ABAT: variants seen among roughly 807,000 people sequenced by gnomAD.
ABAT encodes 4-aminobutyrate aminotransferase, also known as 4-aminobutyrate aminotransferase, mitochondrial.
A neutral mutation model predicts 64.6 loss-of-function variants in ABAT; 45 were observed. That is an observed-to-expected ratio of 0.70 (90% CI 0.55 to 0.89). The LOEUF (loss-of-function observed/expected upper bound fraction) is 0.89, where lower values mean the gene tolerates loss of function less well. Ranked by LOEUF, ABAT falls within the 40% of genes least tolerant of loss-of-function variation. The pLI, the probability that ABAT is intolerant of heterozygous loss-of-function variation, is 0.00. For missense variants in ABAT, 633 were observed against 658.4 expected (o/e 0.96, Z 0.42); for synonymous variants, 297 against 250.5 (o/e 1.19, Z -1.75).
Position 8,733,361 on chromosome 16 carries a change from C to T in ABAT, c.-41-2338C>T, listed in dbSNP as rs552073641. Among the ~76,000 whole-genome samples the T allele has an allele frequency of 6.0e-4, 90 of 151,020 alleles. 9 individuals are homozygous for T. Among genetic ancestry groups the T allele is most frequent in the African/African-American group, 2.2e-3 (89 of 40,612 alleles). The stretch of plus-strand genomic sequence containing the variant: ...TCACTTTCCAGACTGGGCAGCCAGG[C>T]CGAGGGGCTCCTCACATCCCAGACG... On this transcript the variant is annotated intron_variant, in intron 1 of 15. Transcript: ENST00000268251.
At chr16:8,741,834 G>A (rs1327543248) in intron 2 of ABAT, among the ~76,000 whole-genome samples, 1 of 152,214 alleles carries the variant, frequency 6.6e-6, no homozygotes, top group Non-Finnish European at 1.5e-5. Context: ...CTAGCTGTGT[G>A]ACATCGGGAA....
chr16:8,775,620 A>G (rs1473430798), intron 13 of ABAT, among the ~76,000 whole-genome samples: 1 of 152,054 alleles, frequency 6.6e-6, no homozygotes, highest in Non-Finnish European at 1.5e-5. Context: ...CCATTCCTAC[A>G]TGTAGTTTCT....
At position 8,779,738 on chromosome 16, in the gene ABAT, A is replaced by G. The variant is rs975817830; in HGVS notation, c.1381+148A>G. Reference sequence around the variant, plus strand: ...AAGAGCCTGAATGCTCTTTCTCCAAAGAAGAGAACATTACAAATGGGATTT... The same window carrying G: ...AAGAGCCTGAATGCTCTTTCTCCAAGGAAGAGAACATTACAAATGGGATTT... On this transcript the variant is annotated intron_variant, in intron 15 of 15. Coordinates refer to ENST00000268251, the MANE Select transcript of ABAT (RefSeq NM_020686.6). The G allele has an allele frequency of 1.3e-5, 9 of 707,460 alleles. No homozygotes were observed. The Admixed American group carries it at 1.4e-4, about 11-fold the overall frequency. 43.8% of individuals were successfully genotyped at this position (707,460 alleles called of 1,614,324 possible). A position where few individuals can be genotyped will look rare whatever the true frequency, so the allele number is the denominator to read the frequency against.
chr16:8,774,471 G>C (rs888613568), intron 12 of ABAT, among the ~76,000 whole-genome samples: 1 of 152,064 alleles, frequency 6.6e-6, no homozygotes, highest in Admixed American at 6.6e-5. Flanking sequence ...ACTTAACACA[G>C]ATGCTGAGTT....
intron 1 of ABAT, among the ~76,000 whole-genome samples, chr16:8,684,165 G>C (rs1207985159): frequency 2.0e-5 from 3 of 152,180 alleles, no homozygotes; most frequent in African/African-American, 7.2e-5. Context: ...TTCTAGGGAA[G>C]AAATTTCAGG....
At chr16:8,752,784 A>C (rs1010793053) in intron 5 of ABAT, among the ~76,000 whole-genome samples, 1 of 152,236 alleles carries the variant, frequency 6.6e-6, no homozygotes, top group African/African-American at 2.4e-5. Flanking sequence ...AAACAAAAAC[A>C]GAAAAATTCT....
At chr16:8,768,113 C>T in intron 9 of ABAT, 80 bp from the exon 10 acceptor site, 1 of 1,431,344 alleles carries the variant, frequency 7.0e-7, no homozygotes, top group Non-Finnish European at 9.9e-7. Flanking sequence ...ATTTCTGTGT[C>T]CCTCTGGACT....
intron 5 of ABAT, among the ~76,000 whole-genome samples, chr16:8,755,257 AG>A (rs889627982): frequency 6.6e-6 from 1 of 152,028 alleles, no homozygotes; most frequent in African/African-American, 2.4e-5. Context: ...TCTTCTCGAC[AG>A]GGAGGTCCAG....
intron 11 of ABAT, among the ~76,000 whole-genome samples, chr16:8,770,633 G>A (rs2060079521): frequency 6.6e-6 from 1 of 151,940 alleles, no homozygotes; most frequent in Admixed American, 6.6e-5. Flanking sequence ...GCAGAAACAG[G>A]TTTTGCCGTG....
chr16:8,742,193 C>T (rs758345458), intron 2 of ABAT, among the ~76,000 whole-genome samples: 5 of 152,210 alleles, frequency 3.3e-5, no homozygotes, highest in African/African-American at 7.2e-5. Flanking sequence ...TTCCCCATGG[C>T]CTTGACATGC....
At chr16:8,694,607 G>A (rs2057661428) in intron 1 of ABAT, among the ~76,000 whole-genome samples, 1 of 150,172 alleles carries the variant, frequency 6.7e-6, no homozygotes. Context: ...GGAACTCCTG[G>A]GCTCAAGCCA....
chr16:8,775,234 G>C (rs975513074), intron 13 of ABAT, among the ~76,000 whole-genome samples, 177 bp downstream of exon 13: 1 of 151,290 alleles, frequency 6.6e-6, no homozygotes, highest in Non-Finnish European at 1.5e-5. Flanking sequence ...AGCTCTCTCT[G>C]TAAGGCCAAC....
intron 1 of ABAT, among the ~76,000 whole-genome samples, chr16:8,711,603 G>C (rs529913243): frequency 6.6e-6 from 1 of 152,334 alleles, no homozygotes; most frequent in East Asian, 1.9e-4. Flanking sequence ...TGCTGAACCA[G>C]GGAGAGGATT....
chr16:8,716,994 A>T (rs899482578), intron 1 of ABAT, among the ~76,000 whole-genome samples: 2 of 152,198 alleles, frequency 1.3e-5, no homozygotes, highest in Non-Finnish European at 2.9e-5. Flanking sequence ...TATCTTATTA[A>T]TAACTATATT....
At chr16:8,745,020 C>G (rs1273438287) in intron 2 of ABAT, among the ~76,000 whole-genome samples, 2 of 152,100 alleles carry the variant, frequency 1.3e-5, no homozygotes, top group Admixed American at 6.6e-5. Context: ...CAGCGTCTCA[C>G]TCTGTTGCCC....
chr16:8,718,904 T>A (rs2058286426), intron 1 of ABAT, among the ~76,000 whole-genome samples: 1 of 152,234 alleles, frequency 6.6e-6, no homozygotes, highest in South Asian at 2.1e-4. Context: ...ACAGCGTGAC[T>A]CCAGCCACCA....
At chr16:8,675,711 A>C (rs55766209) in intron 1 of ABAT, among the ~76,000 whole-genome samples, 14,205 of 152,184 alleles carry the variant, frequency 0.093, 741 homozygotes, top group Admixed American at 0.14. Flanking sequence ...AAACTCTGAC[A>C]ACAGAGATGG....
At chr16:8,682,091 G>C (rs936774824) in intron 1 of ABAT, among the ~76,000 whole-genome samples, 2 of 151,960 alleles carry the variant, frequency 1.3e-5, no homozygotes, top group East Asian at 1.9e-4. Flanking sequence ...TGTCCCCTGG[G>C]GAACAAGATT....
At chr16:8,676,540 G>A (rs751374549) in intron 1 of ABAT, among the ~76,000 whole-genome samples, 8 of 152,196 alleles carry the variant, frequency 5.3e-5, no homozygotes, top group Admixed American at 6.5e-5. Context: ...AGGCTGCCTC[G>A]TGGAATCCAT....
Sources: gnomAD v4.1 joint callset for allele counts (sites outside exome capture counted in the v4.1 genomes callset) on GRCh38, gnomAD v4.1.1 for gene constraint, MANE v1.5 for transcripts, NCBI Gene and HGNC (gene_info 2026-07-23, HGNC 2026-07-21) for gene names.